The following ABTB3 variants were observed in gnomAD, a reference collection of about 807,000 sequenced individuals.
ABTB3 encodes ankyrin repeat and BTB domain containing 3, also known as ankyrin repeat- and BTB/POZ domain-containing protein 3.
chr12:107,638,363 C>A, the ABTB3 span, among the ~76,000 whole-genome samples: 1 of 152,198 alleles, frequency 6.6e-6, no homozygotes, highest in Admixed American at 6.5e-5. Context: ...AGACCAGGGC[C>A]CCAAGGTGCA....
the ABTB3 span, among the ~76,000 whole-genome samples, chr12:107,474,200 G>T: frequency 6.6e-6 from 1 of 152,164 alleles, no homozygotes; most frequent in Non-Finnish European, 1.5e-5. Flanking sequence ...GAATGGCTGA[G>T]TCCTCTGTAC....
At chr12:107,594,944 G>A in the ABTB3 span, among the ~76,000 whole-genome samples, 1 of 151,798 alleles carries the variant, frequency 6.6e-6, no homozygotes, top group African/African-American at 2.4e-5. Context: ...GTTGGTGGGG[G>A]GCACTCTGTG....
the ABTB3 span, chr12:107,617,103 T>C: frequency 6.2e-7 from 1 of 1,614,082 alleles, no homozygotes; most frequent in Non-Finnish European, 8.5e-7. Context: ...TCCTGGATGC[T>C]GGGGCCAAGG....
At chr12:107,444,138 G>A in the ABTB3 span, among the ~76,000 whole-genome samples, 2 of 152,234 alleles carry the variant, frequency 1.3e-5, no homozygotes, top group African/African-American at 4.8e-5. Context: ...AGATAAGAAG[G>A]CTGGCGGAAG....
At chr12:107,578,715 G>A in the ABTB3 span, among the ~76,000 whole-genome samples, 1 of 152,176 alleles carries the variant, frequency 6.6e-6, no homozygotes, top group African/African-American at 2.4e-5. Context: ...TTTCAAGTCA[G>A]CGTGTGTTTA....
the ABTB3 span, among the ~76,000 whole-genome samples, chr12:107,351,230 G>A: frequency 2.6e-5 from 4 of 152,172 alleles, no homozygotes; most frequent in Non-Finnish European, 4.4e-5. Flanking sequence ...GTTGGTATCC[G>A]GGTGGCCATT....
chr12:107,329,046 C>T, the ABTB3 span, among the ~76,000 whole-genome samples: 1 of 152,182 alleles, frequency 6.6e-6, no homozygotes, highest in Non-Finnish European at 1.5e-5. Flanking sequence ...GGGGAAATAG[C>T]TGGCTTTATC....
chr12:107,322,545 C>T, the ABTB3 span, among the ~76,000 whole-genome samples: 1 of 152,124 alleles, frequency 6.6e-6, no homozygotes, highest in Non-Finnish European at 1.5e-5. Context: ...ATAGATTTTC[C>T]CTCCTTTAAC....
the ABTB3 span, among the ~76,000 whole-genome samples, chr12:107,469,978 T>C: frequency 1.5e-3 from 105 of 71,704 alleles, 1 homozygote; most frequent in Middle Eastern, 5.8e-3. Flanking sequence ...CTTTCTTTCT[T>C]TCTTTCTTTC....
At chr12:107,416,517 T>C in the ABTB3 span, among the ~76,000 whole-genome samples, 1 of 150,526 alleles carries the variant, frequency 6.6e-6, no homozygotes, top group Admixed American at 6.8e-5. Flanking sequence ...TAGTTAGGTA[T>C]GTTTGTTAAG....
the ABTB3 span, among the ~76,000 whole-genome samples, chr12:107,428,243 G>A: frequency 4.6e-5 from 7 of 152,104 alleles, no homozygotes; most frequent in African/African-American, 1.7e-4. Flanking sequence ...GCCCTGAAAG[G>A]GCTCCTAGAT....
At chr12:107,592,357 A>G in the ABTB3 span, among the ~76,000 whole-genome samples, 1 of 152,240 alleles carries the variant, frequency 6.6e-6, no homozygotes, top group Non-Finnish European at 1.5e-5. Context: ...TTCAAAGTGA[A>G]CTTGAAAAGA....
the ABTB3 span, among the ~76,000 whole-genome samples, chr12:107,362,197 G>A: frequency 4.6e-3 from 700 of 152,330 alleles, 2 homozygotes; most frequent in African/African-American, 0.011. Flanking sequence ...CTACAATGAA[G>A]CAGATGTAAG....
At chr12:107,495,006 G>C in the ABTB3 span, among the ~76,000 whole-genome samples, 380 of 152,326 alleles carry the variant, frequency 2.5e-3, 1 homozygote, top group Non-Finnish European at 4.4e-3. Flanking sequence ...GGGAAATGCA[G>C]GTATAGGGAG....
chr12:107,651,607 G>C, the ABTB3 span: 1 of 1,098,808 alleles, frequency 9.1e-7, no homozygotes, highest in Non-Finnish European at 1.4e-6. Context: ...CACCACTATA[G>C]TTCCTTATTG....
chr12:107,558,178 C>CATAG, the ABTB3 span, among the ~76,000 whole-genome samples: 1 of 152,228 alleles, frequency 6.6e-6, no homozygotes, highest in African/African-American at 2.4e-5. Context: ...GTGGGGGACG[C>CATAG]ATAGACCAAC....
chr12:107,656,305 A>AG, the ABTB3 span, among the ~76,000 whole-genome samples: 1 of 151,920 alleles, frequency 6.6e-6, no homozygotes, highest in Non-Finnish European at 1.5e-5. Context: ...TGTCAAAAAA[A>AG]AAAAAAATTA....
At chr12:107,446,514 T>C in the ABTB3 span, among the ~76,000 whole-genome samples, 1 of 152,148 alleles carries the variant, frequency 6.6e-6, no homozygotes, top group Non-Finnish European at 1.5e-5. Flanking sequence ...AGCAACACAC[T>C]TAAGGACCAG....
the ABTB3 span, among the ~76,000 whole-genome samples, chr12:107,642,690 G>A: frequency 6.6e-6 from 1 of 152,150 alleles, no homozygotes; most frequent in Non-Finnish European, 1.5e-5. Flanking sequence ...AACTTTGGTT[G>A]AGCTCAGCGT....
Sources: gnomAD v4.1 joint callset for allele counts (sites outside exome capture counted in the v4.1 genomes callset) on GRCh38, gnomAD v4.1.1 for gene constraint, MANE v1.5 for transcripts, NCBI Gene and HGNC (gene_info 2026-07-23, HGNC 2026-07-21) for gene names.